The following ZBTB44 variants were observed in gnomAD, a reference collection of about 807,000 sequenced individuals.
The protein encoded by ZBTB44 is zinc finger and BTB domain containing 44, also known as zinc finger and BTB domain-containing protein 44.
Under a neutral mutation model 54.0 loss-of-function variants are expected in ZBTB44, and 15 were observed. The observed-to-expected ratio is 0.28, with a 90% CI of 0.19 to 0.43. ZBTB44 has a LOEUF of 0.43. Ranked by LOEUF, ZBTB44 falls within the 20% of genes least tolerant of loss-of-function variation. The pLI is 1.00. For missense variants in ZBTB44, 487 were observed against 707.1 expected (o/e 0.69, Z 3.53); for synonymous variants, 230 against 250.1 (o/e 0.92, Z 0.76).
chr11:130,299,269 GA>G (rs1250851122), intron 1 of ZBTB44, among the ~76,000 whole-genome samples: 10 of 151,922 alleles, frequency 6.6e-5, no homozygotes, highest in African/African-American at 2.2e-4. Flanking sequence ...CACCAAAACA[GA>G]AAAAAATAAG....
intron 2 of ZBTB44, among the ~76,000 whole-genome samples, chr11:130,240,655 TG>T (rs1954324555): frequency 6.6e-6 from 1 of 152,232 alleles, no homozygotes; most frequent in Non-Finnish European, 1.5e-5. Context: ...GCCAGCATCC[TG>T]GAAGTCCCCA....
At chr11:130,281,884 C>T (rs527357069) in intron 1 of ZBTB44, among the ~76,000 whole-genome samples, 4 of 152,268 alleles carry the variant, frequency 2.6e-5, no homozygotes, top group African/African-American at 7.2e-5. Flanking sequence ...GGATTATAGG[C>T]GTGAGCCACC....
chr11:130,251,272 G>A (rs1316574314), intron 2 of ZBTB44, among the ~76,000 whole-genome samples: 1 of 148,474 alleles, frequency 6.7e-6, no homozygotes, highest in East Asian at 2.0e-4. Context: ...AACAAACAAA[G>A]CCTCCAAGAA....
In ZBTB44 at chr11:130,230,090, A is replaced by G. The variant is rs2136240518; in HGVS notation, c.*1674T>C. On this transcript the variant is annotated 3_prime_UTR_variant, in exon 8 of 8. Coordinates refer to ENST00000357899, the MANE Select transcript of ZBTB44 (RefSeq NM_001301098.2). ...TTCATTCAAGTAATAAGTCTCTGTT[A>G]CAGAATTGCCACATTATACAGTAAT... 6.6e-6 allele frequency: 1 copy of G among 152,240 alleles called. No individual in the cohort carries two copies. Among genetic ancestry groups the G allele is most frequent in the South Asian group, 2.1e-4 (1 of 4,830 alleles). 9.4% of individuals were successfully genotyped at this position (152,240 alleles called of 1,614,324 possible).
intron 1 of ZBTB44, among the ~76,000 whole-genome samples, chr11:130,289,460 C>T (rs560857269): frequency 1.7e-5 from 2 of 121,034 alleles, no homozygotes; most frequent in Non-Finnish European, 3.3e-5. Flanking sequence ...AGCTCCAGGG[C>T]AATAGAGCAA....
chr11:130,230,270 G>A lies in ZBTB44; in HGVS notation c.*1494C>T, dbSNP rs531939848. ...GAAAGATTTAATACAGCTTCCAAAG[G>A]CTCCCAAGAGAACCATTTATAAACT... is the stretch of plus-strand genomic sequence containing the variant. On this transcript the variant is annotated 3_prime_UTR_variant, in exon 8 of 8. Coordinates refer to ENST00000357899, the MANE Select transcript of ZBTB44 (RefSeq NM_001301098.2). 44 of 151,864 alleles carry A rather than the reference G, an allele frequency of 2.9e-4. No homozygotes were observed. Among genetic ancestry groups the A allele is most frequent in the Non-Finnish European group, 3.8e-4 (26 of 67,880 alleles). 9.4% of individuals were successfully genotyped at this position (151,864 alleles called of 1,614,324 possible). A position where few individuals can be genotyped will look rare whatever the true frequency, so the allele number is the denominator to read the frequency against.
At chr11:130,313,960 A>ATTT (rs1396698284) in intron 1 of ZBTB44, among the ~76,000 whole-genome samples, 1 of 143,314 alleles carries the variant, frequency 7.0e-6, no homozygotes, top group African/African-American at 2.7e-5. Context: ...ATATATATAT[A>ATTT]TATATATTTT....
intron 2 of ZBTB44, among the ~76,000 whole-genome samples, chr11:130,250,415 G>A (rs544514854): frequency 6.6e-6 from 1 of 152,322 alleles, no homozygotes; most frequent in South Asian, 2.1e-4. Context: ...TACCAGCACA[G>A]TGCTTGACTT....
At chr11:130,293,807 A>T (rs1941460645) in intron 1 of ZBTB44, among the ~76,000 whole-genome samples, 1 of 152,134 alleles carries the variant, frequency 6.6e-6, no homozygotes, top group Non-Finnish European at 1.5e-5. Flanking sequence ...AAAACAAACA[A>T]ACAAACAAAC....
At chr11:130,268,043 T>C (rs1324996680) in intron 1 of ZBTB44, among the ~76,000 whole-genome samples, 1 of 145,762 alleles carries the variant, frequency 6.9e-6, no homozygotes, top group Non-Finnish European at 1.5e-5. Flanking sequence ...CACTCCAGAC[T>C]GGGTGACAGA....
At chr11:130,293,523 T>C (rs980890399) in intron 1 of ZBTB44, among the ~76,000 whole-genome samples, 2 of 145,762 alleles carry the variant, frequency 1.4e-5, no homozygotes, top group African/African-American at 2.6e-5. Flanking sequence ...CTCACACCTA[T>C]AATCCCAGCA....
chr11:130,237,919 T>C (rs1954179026), intron 4 of ZBTB44, among the ~76,000 whole-genome samples: 1 of 152,240 alleles, frequency 6.6e-6, no homozygotes, highest in African/African-American at 2.4e-5. Context: ...ATCCCCTCTA[T>C]ACATTTATCC....
intron 4 of ZBTB44, among the ~76,000 whole-genome samples, 163 bp downstream of exon 4, chr11:130,238,281 A>G (rs1172328940): frequency 1.3e-5 from 2 of 152,196 alleles, no homozygotes; most frequent in East Asian, 3.8e-4. Context: ...CAGCTTTCTG[A>G]CACTGCATCA....
rs903432313 is a variant in ZBTB44 at position 130,274,723 on chromosome 11, T to A, written c.-56-12794A>T. Among the ~76,000 whole-genome samples the A allele has an allele frequency of 5.3e-5, 8 of 152,334 alleles. No homozygotes were observed. In the East Asian group the frequency reaches 1.3e-3, roughly 26 times the overall value. ...TCCCAGTTGATCATGTATGATACAGTTTGTTTTTTAAAAAAATATGTTGTG... is the reference window on the plus strand; with the variant it reads ...TCCCAGTTGATCATGTATGATACAGATTGTTTTTTAAAAAAATATGTTGTG... On this transcript the variant is annotated intron_variant, in intron 1 of 7. Coordinates refer to ENST00000357899, the MANE Select transcript of ZBTB44 (RefSeq NM_001301098.2).
At chr11:130,289,753 ATTG>A (rs1383852779) in intron 1 of ZBTB44, among the ~76,000 whole-genome samples, 1 of 152,156 alleles carries the variant, frequency 6.6e-6, no homozygotes, top group Non-Finnish European at 1.5e-5. Flanking sequence ...ATGTCACTGA[ATTG>A]CTAATTTAAC....
intron 4 of ZBTB44, 110 bp downstream of exon 4, chr11:130,238,334 C>T: frequency 7.6e-7 from 1 of 1,322,534 alleles, no homozygotes; most frequent in Non-Finnish European, 1.0e-6. Context: ...ATTTGACTTC[C>T]CAGAGTTTTT....
rs536755788 is a variant in ZBTB44 at position 130,246,594 on chromosome 11, A to C, written c.1019-6698T>G. Reference sequence around the variant, plus strand: ...ACTCAAGTTGCTGCTGCCACTGTTCAGGTATTCAAGATACTTACAAAGATC... The same window carrying C: ...ACTCAAGTTGCTGCTGCCACTGTTCCGGTATTCAAGATACTTACAAAGATC... On this transcript the variant is annotated intron_variant, in intron 2 of 7. Coordinates refer to ENST00000357899, the MANE Select transcript of ZBTB44 (RefSeq NM_001301098.2). Among the ~76,000 whole-genome samples, 432 of 152,348 alleles carry C rather than the reference A, an allele frequency of 2.8e-3. 1 individual carries two copies. Among genetic ancestry groups the C allele is most frequent in the Non-Finnish European group, 4.4e-3 (298 of 68,030 alleles).
intron 5 of ZBTB44, among the ~76,000 whole-genome samples, chr11:130,235,601 A>AT (rs939281086): frequency 5.3e-5 from 8 of 152,146 alleles, no homozygotes; most frequent in African/African-American, 1.4e-4. Flanking sequence ...GTGCACTATG[A>AT]TTGTGTCTAT....
At chr11:130,289,995 T>C (rs541107069) in intron 1 of ZBTB44, among the ~76,000 whole-genome samples, 1 of 152,340 alleles carries the variant, frequency 6.6e-6, no homozygotes, top group South Asian at 2.1e-4. Context: ...CAAATGTCCA[T>C]GTTCTAATCC....
Sources: allele counts gnomAD v4.1 joint callset (sites outside exome capture counted in the v4.1 genomes callset), GRCh38; gene constraint gnomAD v4.1.1; transcripts MANE v1.5; gene names NCBI Gene and HGNC (gene_info 2026-07-23, HGNC 2026-07-21).